The following ARHGAP32 variants were observed in gnomAD, a reference collection of about 807,000 sequenced individuals.
ARHGAP32 encodes rho GTPase-activating protein 32.
In ARHGAP32, 51 loss-of-function variants were observed where a neutral mutation model predicts 186.5. The ratio of observed to expected loss-of-function variants is 0.27; its 90% CI spans 0.22 to 0.35. The LOEUF is 0.35. Ranked by LOEUF, ARHGAP32 falls within the 10% of genes least tolerant of loss-of-function variation. ARHGAP32 has a pLI of 1.00. For synonymous variants in ARHGAP32, 950 were observed against 964.3 expected, an observed-to-expected ratio of 0.99 and a Z score of 0.27; for missense variants, 2,186 against 2,623.5, an observed-to-expected ratio of 0.83 and a Z score of 3.64.
intron 11 of ARHGAP32, among the ~76,000 whole-genome samples, chr11:129,033,896 GGTTT>G (rs967450962): frequency 8.5e-5 from 13 of 152,110 alleles, no homozygotes; most frequent in African/African-American, 2.9e-4. Flanking sequence ...TATAGACACA[GGTTT>G]GTTTCTGGAC....
At chr11:129,064,148 A>AAAACTACCATTT in intron 8 of ARHGAP32, 124 bp from the exon 9 acceptor site, 2 of 916,980 alleles carry the variant, frequency 2.2e-6, no homozygotes, top group Non-Finnish European at 3.1e-6. Context: ...TAAAAAAAAA[A>AAAACTACCATTT]ACTACCATTT....
Position 128,969,942 on chromosome 11 carries a change from A to C in ARHGAP32, c.5271T>G (p.Asp1757Glu). The C allele has an allele frequency of 6.2e-7, 1 of 1,614,142 alleles. No individual in the cohort carries two copies. Among genetic ancestry groups the C allele is most frequent in the Non-Finnish European group, 8.5e-7 (1 of 1,180,016 alleles). The change falls in exon 23 of 23, where the codon GAT becomes GAG. Residue 1757 changes from aspartate to glutamate, a missense_variant. Transcript: ENST00000682385. The surrounding 1 kb of genome is among the most constrained non-coding windows in gnomAD (Gnocchi z 4.8). ...TGCGGTATTTTTCCATGTCCTCAAGATCCCATGAGGTGTAGGTGTGCTTCA... is the reference window on the plus strand; with the variant it reads ...TGCGGTATTTTTCCATGTCCTCAAGCTCCCATGAGGTGTAGGTGTGCTTCA... ...ADVKHTYTSW[D>E]LEDMEKYRMQ...
chr11:129,034,687 GAACTTGATGATAGGAC>G (rs1939250485), intron 11 of ARHGAP32, among the ~76,000 whole-genome samples: 3 of 139,056 alleles, frequency 2.2e-5, no homozygotes, highest in African/African-American at 8.1e-5. Context: ...AGGAATCACT[GAACTTGATGATAGGAC>G]AACAGAAAGT....
intron 11 of ARHGAP32, among the ~76,000 whole-genome samples, chr11:129,036,903 T>C (rs1437107206): frequency 6.6e-6 from 1 of 152,118 alleles, no homozygotes; most frequent in Non-Finnish European, 1.5e-5. Context: ...GACATCCAGA[T>C]TGGAAGGGAA....
intron 1 of ARHGAP32, among the ~76,000 whole-genome samples, chr11:129,172,223 G>A (rs1162325136): frequency 2.0e-5 from 3 of 152,110 alleles, no homozygotes; most frequent in East Asian, 1.9e-4. Flanking sequence ...GGAGTGGTGA[G>A]AGAGGGCACC....
chr11:129,009,559 C>G (rs1379161003), intron 11 of ARHGAP32, among the ~76,000 whole-genome samples: 1 of 152,188 alleles, frequency 6.6e-6, no homozygotes, highest in Non-Finnish European at 1.5e-5. Flanking sequence ...CATTGTTCAG[C>G]TCCCACTTAT....
In ARHGAP32 at chr11:128,976,033, C is replaced by T. The variant is rs1475238970; in HGVS notation, c.2194+530G>A. ...TAGAGGTTGCAGTGATCCAAGATTGCGCCACTGTACTCCAAACTGGGCAAC... is the reference window on the plus strand; with the variant it reads ...TAGAGGTTGCAGTGATCCAAGATTGTGCCACTGTACTCCAAACTGGGCAAC... On this transcript the variant is annotated intron_variant, in intron 20 of 22. Coordinates refer to ENST00000682385, the MANE Select transcript of ARHGAP32 (RefSeq NM_001378024.1). Among the ~76,000 whole-genome samples the T allele has an allele frequency of 1.3e-5, 2 of 151,560 alleles. 1 individual carries two copies. Among genetic ancestry groups the T allele is most frequent in the South Asian group, 4.2e-4 (2 of 4,810 alleles).
At chr11:128,980,865 G>A (rs960818995) in intron 17 of ARHGAP32, 117 bp from the exon 18 acceptor site, 84 of 753,898 alleles carry the variant, frequency 1.1e-4, no homozygotes, top group Non-Finnish European at 1.6e-4. Context: ...CTTCAAGTAT[G>A]TTAAATAGCA....
At chr11:129,073,924 G>A (rs1041497689) in intron 6 of ARHGAP32, among the ~76,000 whole-genome samples, 8 of 152,076 alleles carry the variant, frequency 5.3e-5, no homozygotes, top group African/African-American at 1.9e-4. Flanking sequence ...CAAGAAGAGA[G>A]TAGAGTAAAT....
rs761064440 is a variant in ARHGAP32 at position 128,970,330 on chromosome 11, G to A, written c.4883C>T (p.Pro1628Leu). The A allele has an allele frequency of 1.9e-6, 3 of 1,614,164 alleles. No homozygotes were observed. In the East Asian group the frequency reaches 6.7e-5, roughly 36 times the overall value. Residue 1628 changes from proline (P) to leucine (L), a missense_variant, in exon 23 of 23, where the codon CCA (proline) becomes CTA (leucine). Physicochemically the swap from Pro to Leu is moderately conservative, Grantham distance 98. Transcript: ENST00000682385. The surrounding 1 kb of genome is among the most constrained non-coding windows in gnomAD (Gnocchi z 5.8). ...TGGCTTATATTGGTACAGAGGTCTTGGGCAGTAGGCTGGCTCATCATCTGG... is the reference window on the plus strand; with the variant it reads ...TGGCTTATATTGGTACAGAGGTCTTAGGCAGTAGGCTGGCTCATCATCTGG... ...VPPDDEPAYC[P>L]RPLYQYKPYQ...
intron 1 of ARHGAP32, among the ~76,000 whole-genome samples, chr11:129,187,358 C>A: frequency 6.6e-6 from 1 of 150,458 alleles, no homozygotes; most frequent in Non-Finnish European, 1.5e-5. Context: ...GGATGGTTAC[C>A]AGAGGCTGGG....
At chr11:129,112,870 A>C (rs1432355981) in intron 5 of ARHGAP32, among the ~76,000 whole-genome samples, 5 of 152,208 alleles carry the variant, frequency 3.3e-5, no homozygotes, top group Non-Finnish European at 7.3e-5. Flanking sequence ...GCACCGACAT[A>C]AAAGCTGCAT....
intron 19 of ARHGAP32, among the ~76,000 whole-genome samples, chr11:128,977,703 G>A (rs1043972108): frequency 1.3e-5 from 2 of 151,926 alleles, no homozygotes; most frequent in African/African-American, 4.8e-5. Context: ...AAGAGACTAT[G>A]TCTTGCTTTG....
At chr11:129,230,959 A>AC (rs1944850929) in intron 1 of ARHGAP32, among the ~76,000 whole-genome samples, 1 of 151,866 alleles carries the variant, frequency 6.6e-6, no homozygotes, top group African/African-American at 2.4e-5. Context: ...ACATGGTGAA[A>AC]CCCCATCTCT....
Position 128,970,509 on chromosome 11 carries a change from C to A in ARHGAP32, c.4704G>T (p.Arg1568=). ...AGCTCAAAGAAGACACATACTCGAC[C>A]CGGCTGCATGGCTTGGAGTGGTGTC... ...ASGHHSKPCS[R]VEYVSSLSSS... The change falls in exon 23 of 23, where the codon CGG becomes CGT. Residue 1568 remains arginine (R), a synonymous_variant. Coordinates refer to ENST00000682385, the MANE Select transcript of ARHGAP32 (RefSeq NM_001378024.1). This position sits in a 1 kb window ranked among gnomAD's most constrained non-coding sequence, Gnocchi z 5.8. 1 of 1,614,106 alleles carries A rather than the reference C, an allele frequency of 6.2e-7. No individual in the cohort carries two copies. Among genetic ancestry groups the A allele is most frequent in the Non-Finnish European group, 8.5e-7 (1 of 1,180,018 alleles).
In ARHGAP32 at chr11:128,969,372, T is replaced by G. The variant is rs1439449552; in HGVS notation, c.5841A>C (p.Glu1947Asp). 1 of 1,614,220 alleles carries G rather than the reference T, an allele frequency of 6.2e-7. No individual in the cohort carries two copies. Among genetic ancestry groups the G allele is most frequent in the Admixed American group, 1.7e-5 (1 of 60,028 alleles). ...SGVKYAASGQ[E>D]SLRLNHKEVR... ...CCTCTTTGTGGTTCAGTCTTAAAGA[T>G]TCTTGCCCGGATGCAGCATATTTTA... The change falls in exon 23 of 23, where the codon GAA becomes GAC. Residue 1947 changes from glutamate to aspartate, a missense_variant. Coordinates refer to ENST00000682385, the MANE Select transcript of ARHGAP32 (RefSeq NM_001378024.1). The surrounding 1 kb of genome is among the most constrained non-coding windows in gnomAD (Gnocchi z 4.8).
At chr11:129,042,403 T>C (rs897992297) in intron 10 of ARHGAP32, among the ~76,000 whole-genome samples, 1 of 152,246 alleles carries the variant, frequency 6.6e-6, no homozygotes, top group African/African-American at 2.4e-5. Flanking sequence ...TCCTATGCAC[T>C]GCCTTCCAAA....
chr11:129,092,731 G>A lies in ARHGAP32; in HGVS notation c.531+890C>T, dbSNP rs564668816. On this transcript the variant is annotated intron_variant, in intron 6 of 22. Transcript: ENST00000682385. The stretch of plus-strand genomic sequence containing the variant: ...CTAAAAACTTCAGTATATCACACAC[G>A]ATGAAAGCATTGGACTTTTTTGGAT... Among the ~76,000 whole-genome samples, 3 of 151,970 alleles carry A rather than the reference G, an allele frequency of 2.0e-5. No homozygotes were observed. The South Asian group carries it at 6.2e-4, about 32-fold the overall frequency.
chr11:129,195,645 T>G (rs546787822), upstream of ARHGAP32, among the ~76,000 whole-genome samples: 5 of 152,174 alleles, frequency 3.3e-5, no homozygotes, highest in Non-Finnish European at 7.4e-5. Flanking sequence ...CCGCCTCGGC[T>G]GGAGGTTGCT....
Sources: allele counts gnomAD v4.1 joint callset (sites outside exome capture counted in the v4.1 genomes callset), GRCh38; gene constraint gnomAD v4.1.1; non-coding constraint Gnocchi (gnomAD v3.1); transcripts MANE v1.5; gene names NCBI Gene and HGNC (gene_info 2026-07-23, HGNC 2026-07-21).